Variants in TTF2 observed in about 807,000 individuals in gnomAD.
TTF2 encodes the protein RNA polymerase II termination factor.
TTF2 carries 108 observed loss-of-function variants against 142.4 expected under a neutral mutation model. The ratio of observed to expected loss-of-function variants is 0.76; its 90% confidence interval spans 0.65 to 0.89. The LOEUF is 0.89. Ranked by LOEUF, TTF2 falls within the 40% of genes least tolerant of loss-of-function variation. The probability of loss-of-function intolerance (pLI) is 0.00; values close to 1 mark genes in which losing one functional copy is unlikely to be tolerated. For missense variants in TTF2, 1,327 were observed against 1,379.8 expected, an observed-to-expected ratio of 0.96 and a Z score of 0.61; for synonymous variants, 483 against 506.2, an observed-to-expected ratio of 0.95 and a Z score of 0.61.
Position 117,097,497 on chromosome 1 carries a change from G to A in TTF2, c.3269+64G>A, listed in dbSNP as rs116467040. On this transcript the variant is annotated intron_variant, in intron 21 of 22. Coordinates refer to ENST00000369466, the MANE Select transcript of TTF2 (RefSeq NM_003594.4). This position sits in a 1 kb window ranked among gnomAD's most constrained non-coding sequence, Gnocchi z 4.1. ...TCAAGGAGGCCAGTGGGCTACAGGG[G>A]CAGCAAGAACTGACTTCTTATGTTG... The A allele has an allele frequency of 2.1e-4, 316 of 1,476,684 alleles. 2 individuals are homozygous for A. The African/African-American group carries it at 2.6e-3, about 12-fold the overall frequency. The allele number at this position is 1,476,684 out of a possible 1,614,324, so 91.5% of individuals were successfully genotyped here.
chr1:117,083,961 AAAGTT>A (rs1647775289), intron 10 of TTF2, 52 bp from the exon 11 acceptor site: 9 of 1,598,110 alleles, frequency 5.6e-6, no homozygotes, highest in East Asian at 2.2e-5. Flanking sequence ...TTAAAAAAGA[AAAGTT>A]AAAAGCCATT....
Position 117,092,849 on chromosome 1 carries a change from A to C in TTF2, c.2924A>C (p.Asn975Thr). 1 of 1,614,150 alleles carries C rather than the reference A, an allele frequency of 6.2e-7. No individual in the cohort carries two copies. Among genetic ancestry groups the C allele is most frequent in the Non-Finnish European group, 8.5e-7 (1 of 1,180,014 alleles). Reference protein sequence around the residue: ...DSEPSSTVSLNGTFFKMELFE... With the variant: ...DSEPSSTVSLTGTFFKMELFE... ...GAGCCATCTTCCACTGTTTCCCTTA[A>C]CGGCACCTTCTTCAAGATGGAGCTT... Residue 975 changes from asparagine (N) to threonine (T), a missense_variant, in exon 18 of 23, where the codon AAC becomes ACC. Coordinates refer to ENST00000369466, the MANE Select transcript of TTF2 (RefSeq NM_003594.4). The surrounding 1 kb of genome is among the most constrained non-coding windows in gnomAD (Gnocchi z 4.4).
chr1:117,075,374 C>CA lies in TTF2; in HGVS notation c.794dup (p.Asn265LysfsTer27). 1 of 1,614,192 alleles carries CA rather than the reference C, an allele frequency of 6.2e-7. No individual in the cohort carries two copies. The highest frequency in any genetic ancestry group is 8.5e-7 in the Non-Finnish European group (1 of 1,180,036). ...AGAAAAGGTTACCCAGCTTTTGCCT[C>CA]AAAATGTTCACAGTCACAACTCAAT... On this transcript the variant is annotated frameshift_variant, in exon 5 of 23. Transcript: ENST00000369466. LOFTEE classifies it high-confidence loss of function. This position sits in a 1 kb window ranked among gnomAD's most constrained non-coding sequence, Gnocchi z 4.5.
chr1:117,091,265 C>A, intron 15 of TTF2, 63 bp from the exon 16 acceptor site: 1 of 1,388,828 alleles, frequency 7.2e-7, no homozygotes, highest in Non-Finnish European at 9.8e-7. Context: ...CCACTGCAGG[C>A]ACAGTTAAGC....
At chr1:117,094,012 G>T (rs1365348369) in intron 18 of TTF2, among the ~76,000 whole-genome samples, 1 of 152,154 alleles carries the variant, frequency 6.6e-6, no homozygotes, top group Non-Finnish European at 1.5e-5. Flanking sequence ...ACAATCTCAA[G>T]TTGCCAAGAC....
At chr1:117,088,364 C>T (rs549105454) in intron 12 of TTF2, among the ~76,000 whole-genome samples, 23 of 152,180 alleles carry the variant, frequency 1.5e-4, no homozygotes, top group Non-Finnish European at 2.9e-4. Context: ...GATGAAACCC[C>T]GACTCTACTA....
At chr1:117,098,793 A>C (rs1649363455) in intron 21 of TTF2, 40 bp from the exon 22 acceptor site, 1 of 1,591,604 alleles carries the variant, frequency 6.3e-7, no homozygotes, top group East Asian at 2.3e-5. Flanking sequence ...TTTCTGATCT[A>C]GTATGTCAGT....
chr1:117,065,805 C>T (rs570050120), intron 3 of TTF2, among the ~76,000 whole-genome samples: 27 of 151,880 alleles, frequency 1.8e-4, no homozygotes, highest in Admixed American at 1.2e-3. Flanking sequence ...ATACTTAAAA[C>T]CATTTACATA....
At chr1:117,066,869 A>AT (rs1557801144) in intron 3 of TTF2, among the ~76,000 whole-genome samples, 1 of 151,842 alleles carries the variant, frequency 6.6e-6, no homozygotes, top group Non-Finnish European at 1.5e-5. Flanking sequence ...CGCCCAGCTA[A>AT]TTTTTGTATT....
rs1260112794 is a variant in TTF2, at chr1:117,086,334, T to G, written c.2055-83T>G. 2.0e-6 allele frequency: 2 copies of G among 1,010,654 alleles called. No homozygotes were observed. Among genetic ancestry groups the G allele is most frequent in the African/African-American group, 1.6e-5 (1 of 62,942 alleles). 62.6% of individuals were successfully genotyped at this position (1,010,654 alleles called of 1,614,324 possible). A position where few individuals can be genotyped will look rare whatever the true frequency, so the allele number is the denominator to read the frequency against. On this transcript the variant is annotated intron_variant, in intron 11 of 22. Coordinates refer to ENST00000369466, the MANE Select transcript of TTF2 (RefSeq NM_003594.4). The surrounding 1 kb of genome is among the most constrained non-coding windows in gnomAD (Gnocchi z 4.2). ...TGTTTGTCCTTCCATTTGTAGGCAT[T>G]TTTATTGAAAGATCAACTCTGCCTC...
rs2101277004 is a variant in TTF2 at position 117,101,599 on chromosome 1, G to A, written c.*75G>A. Reference sequence around the variant, plus strand: ...GATCTGGGAATAACAACCTAACCATGAGCCTTGAACTCTGTTCTTTGCATT... The same window carrying A: ...GATCTGGGAATAACAACCTAACCATAAGCCTTGAACTCTGTTCTTTGCATT... On this transcript the variant is annotated 3_prime_UTR_variant, in exon 23 of 23. Transcript: ENST00000369466. The surrounding 1 kb of genome is among the most constrained non-coding windows in gnomAD (Gnocchi z 5.9). The A allele has an allele frequency of 2.1e-6, 3 of 1,427,540 alleles. No homozygotes were observed. The highest frequency in any genetic ancestry group is 2.8e-6 in the Non-Finnish European group (3 of 1,084,228). The allele number at this position is 1,427,540 out of a possible 1,614,324, so 88.4% of individuals were successfully genotyped here. A position where few individuals can be genotyped will look rare whatever the true frequency, so the allele number is the denominator to read the frequency against.
intron 18 of TTF2, among the ~76,000 whole-genome samples, chr1:117,094,183 A>G (rs1648878457): frequency 6.6e-6 from 1 of 152,212 alleles, no homozygotes; most frequent in Non-Finnish European, 1.5e-5. Context: ...TGACCACTGT[A>G]ATGACATCCT....
intron 8 of TTF2, among the ~76,000 whole-genome samples, chr1:117,078,799 G>T (rs2101046296): frequency 6.6e-6 from 1 of 152,300 alleles, no homozygotes; most frequent in East Asian, 1.9e-4. Flanking sequence ...CTAGAAGGGG[G>T]ACTCTGGTCA....
At position 117,079,276 on chromosome 1, in the gene TTF2, G is replaced by C. The variant is rs965853514; in HGVS notation, c.1702-292G>C. 3.3e-5 allele frequency among the ~76,000 whole-genome samples: 5 copies of C among 152,116 alleles called. No individual in the cohort carries two copies. The highest frequency in any genetic ancestry group is 2.6e-4 in the Admixed American group (4 of 15,260). ...TAAAAAAATAAAAGCTGTAGAGACT[G>C]ATTTTGACTGATTAAGCAGACAAAT... On this transcript the variant is annotated intron_variant, in intron 8 of 22. Coordinates refer to ENST00000369466, the MANE Select transcript of TTF2 (RefSeq NM_003594.4). The surrounding 1 kb of genome is among the most constrained non-coding windows in gnomAD (Gnocchi z 4.2).
intron 18 of TTF2, chr1:117,094,873 T>C (rs1648969473): frequency 2.9e-6 from 1 of 339,160 alleles, no homozygotes; most frequent in Admixed American, 4.5e-5. Flanking sequence ...CTTTGGGGGT[T>C]GGGAGGACCT....
intron 21 of TTF2, 65 bp from the exon 22 acceptor site, chr1:117,098,768 G>T: frequency 1.4e-6 from 2 of 1,455,592 alleles, no homozygotes; most frequent in Non-Finnish European, 1.9e-6. Flanking sequence ...TTGGCCCATG[G>T]CCCATAGTTT....
chr1:117,067,461 G>C (rs540506517), intron 3 of TTF2, among the ~76,000 whole-genome samples: 1 of 146,944 alleles, frequency 6.8e-6, no homozygotes, highest in Non-Finnish European at 1.5e-5. Flanking sequence ...GGAAGCGGAG[G>C]TTGCAGTGAG....
Position 117,087,539 on chromosome 1 carries a change from C to T in TTF2, c.2160+1017C>T, listed in dbSNP as rs895475431. Reference sequence around the variant, plus strand: ...AATTCCTGACCTCAAGTGATCCACCCGCCTCGGCCTCCCAAAGTGCTGGGA... The same window carrying T: ...AATTCCTGACCTCAAGTGATCCACCTGCCTCGGCCTCCCAAAGTGCTGGGA... On this transcript the variant is annotated intron_variant, in intron 12 of 22. Transcript: ENST00000369466. The surrounding 1 kb of genome is among the most constrained non-coding windows in gnomAD (Gnocchi z 4.8). Among the ~76,000 whole-genome samples, 7 of 152,156 alleles carry T rather than the reference C, an allele frequency of 4.6e-5. No homozygotes were observed. Among genetic ancestry groups the T allele is most frequent in the East Asian group, 1.9e-4 (1 of 5,192 alleles).
At chr1:117,066,081 C>T (rs1425727163) in intron 3 of TTF2, among the ~76,000 whole-genome samples, 1 of 147,318 alleles carries the variant, frequency 6.8e-6, no homozygotes, top group Non-Finnish European at 1.5e-5. Context: ...AAGCAATCCT[C>T]CTACCTCAGC....
Sources: allele counts gnomAD v4.1 joint callset (sites outside exome capture counted in the v4.1 genomes callset), GRCh38; gene constraint gnomAD v4.1.1; non-coding constraint Gnocchi (gnomAD v3.1); transcripts MANE v1.5; gene names NCBI Gene and HGNC (gene_info 2026-07-23, HGNC 2026-07-21).